Variants in LAMA2 observed in about 807,000 individuals in gnomAD.
LAMA2 encodes laminin subunit alpha 2.
Under a neutral mutation model 364.8 loss-of-function variants are expected in LAMA2, and 269 were observed. The observed-to-expected ratio is 0.74, with a 90% CI of 0.67 to 0.82. The LOEUF is 0.82. Ranked by LOEUF, LAMA2 falls within the 40% of genes least tolerant of loss-of-function variation. LAMA2 has a pLI of 0.00. For synonymous variants in LAMA2, 1,379 were observed against 1,370.6 expected (o/e 1.01, Z -0.14); for missense variants, 3,807 against 3,873.2 (o/e 0.98, Z 0.45).
chr6:128,964,461 C>G (rs1480744003), intron 1 of LAMA2, among the ~76,000 whole-genome samples: 2 of 152,028 alleles, frequency 1.3e-5, no homozygotes, highest in East Asian at 3.9e-4. Context: ...GGACAGGGTA[C>G]TCTAGAGCTC....
intron 58 of LAMA2, among the ~76,000 whole-genome samples, chr6:129,502,361 T>C (rs1041684769): frequency 6.6e-6 from 1 of 152,166 alleles, no homozygotes; most frequent in Non-Finnish European, 1.5e-5. Flanking sequence ...GAAAGGGAAA[T>C]TCCAGTTTTC....
chr6:129,089,062 G>T (rs1036909767), intron 3 of LAMA2, among the ~76,000 whole-genome samples: 1 of 152,322 alleles, frequency 6.6e-6, no homozygotes, highest in Non-Finnish European at 1.5e-5. Flanking sequence ...CTGCAATCTC[G>T]GCACCTCGGG....
chr6:129,416,135 G>C (rs897441680), intron 40 of LAMA2, among the ~76,000 whole-genome samples: 1 of 99,402 alleles, frequency 1.0e-5, no homozygotes, highest in Non-Finnish European at 2.0e-5. Flanking sequence ...ATTTTTAGTA[G>C]AGACGGGGTT....
At chr6:129,445,636 T>C (rs1261698913) in intron 44 of LAMA2, 31 bp from the exon 45 acceptor site, 1 of 1,603,266 alleles carries the variant, frequency 6.2e-7, no homozygotes, top group South Asian at 1.1e-5. Flanking sequence ...TGTGCATGCA[T>C]ATACATGCAC....
chr6:129,222,953 C>G (rs190049695), intron 12 of LAMA2, among the ~76,000 whole-genome samples: 2 of 152,262 alleles, frequency 1.3e-5, no homozygotes, highest in East Asian at 3.9e-4. Context: ...GTTTACAATC[C>G]CACCAACAGT....
intron 1 of LAMA2, among the ~76,000 whole-genome samples, chr6:128,982,410 C>T (rs916276869): frequency 6.6e-5 from 10 of 152,108 alleles, no homozygotes; most frequent in Admixed American, 1.3e-4. Flanking sequence ...TCTTAACCTA[C>T]GACTTCTGAC....
Position 129,312,882 on chromosome 6 carries a change from G to A in LAMA2, c.3196G>A (p.Gly1066Arg). ...GCKACNCSTV[G>R]SLDFQCNVNT... ...ATAGGCTTGTAACTGCAGCACAGTG[G>A]GATCCTTGGATTTCCAATGCAATGT... Residue 1066 changes from glycine to arginine, a missense_variant, in exon 23 of 65, where the codon GGA becomes AGA. Gly to Arg is a moderately radical substitution (Grantham distance 125). Coordinates refer to ENST00000421865, the MANE Select transcript of LAMA2 (RefSeq NM_000426.4). 6.2e-7 allele frequency: 1 copy of A among 1,613,850 alleles called. No homozygotes were observed. Among genetic ancestry groups the A allele is most frequent in the Non-Finnish European group, 8.5e-7 (1 of 1,179,816 alleles).
intron 12 of LAMA2, among the ~76,000 whole-genome samples, chr6:129,241,330 C>T (rs975291571): frequency 1.3e-5 from 2 of 152,130 alleles, no homozygotes; most frequent in Non-Finnish European, 2.9e-5. Context: ...CTCCCCAAAA[C>T]GTGGGATTTT....
intron 35 of LAMA2, among the ~76,000 whole-genome samples, chr6:129,388,716 A>G (rs1297780281): frequency 1.3e-5 from 2 of 151,826 alleles, no homozygotes; most frequent in Admixed American, 1.3e-4. Context: ...TATTCATTTA[A>G]CAAAGAAAAA....
chr6:129,085,556 C>G (rs192649867), intron 3 of LAMA2, among the ~76,000 whole-genome samples: 1 of 152,272 alleles, frequency 6.6e-6, no homozygotes, highest in Admixed American at 6.5e-5. Flanking sequence ...GACTTTTACT[C>G]TGTTGGAACC....
At chr6:129,381,793 T>C (rs1276162968) in intron 34 of LAMA2, among the ~76,000 whole-genome samples, 2 of 131,498 alleles carry the variant, frequency 1.5e-5, no homozygotes, top group Admixed American at 7.4e-5. Context: ...CTGCAAATTA[T>C]ACAGAAAAAA....
chr6:128,910,857 A>G (rs953702794), intron 1 of LAMA2, among the ~76,000 whole-genome samples: 11 of 151,242 alleles, frequency 7.3e-5, no homozygotes, highest in Non-Finnish European at 1.2e-4. Context: ...CTTCTAACAG[A>G]CAGGACCCTC....
intron 1 of LAMA2, among the ~76,000 whole-genome samples, chr6:128,906,394 A>G (rs1174343775): frequency 1.5e-5 from 2 of 129,656 alleles, no homozygotes; most frequent in Non-Finnish European, 3.2e-5. Flanking sequence ...AGTGATGATG[A>G]GCATTTTTTC....
intron 1 of LAMA2, among the ~76,000 whole-genome samples, chr6:128,963,317 A>G (rs1781644899): frequency 6.6e-6 from 1 of 152,158 alleles, no homozygotes; most frequent in South Asian, 2.1e-4. Context: ...GTACAAATAA[A>G]TACCATATGG....
chr6:128,903,788 T>C (rs1335656907), intron 1 of LAMA2, among the ~76,000 whole-genome samples: 1 of 152,228 alleles, frequency 6.6e-6, no homozygotes, highest in African/African-American at 2.4e-5. Context: ...CTGGATTGTA[T>C]GTTTCTGAGA....
chr6:129,462,481 C>T (rs558219359), intron 49 of LAMA2, among the ~76,000 whole-genome samples: 7 of 152,094 alleles, frequency 4.6e-5, no homozygotes, highest in East Asian at 1.9e-4. Context: ...TTGGCAGTGT[C>T]AGCCCTTTCT....
At chr6:129,443,097 T>A (rs371450643) in intron 44 of LAMA2, 29 bp downstream of exon 44, 13 of 1,563,480 alleles carry the variant, frequency 8.3e-6, no homozygotes, top group Admixed American at 7.0e-5. Flanking sequence ...ATATACCTTT[T>A]AGTAACGCTC....
rs1011851605 is a variant in LAMA2 at position 128,961,422 on chromosome 6, A to G, written c.112+78065A>G. 7.3e-5 allele frequency among the ~76,000 whole-genome samples: 10 copies of G among 137,334 alleles called. 1 individual carries two copies. Among genetic ancestry groups the G allele is most frequent in the African/African-American group, 2.8e-4 (10 of 35,778 alleles). 90.1% of individuals were successfully genotyped at this position (137,334 alleles called of 152,430 possible). ...TGCATATATATACATATATATATGT[A>G]TATATCATGGGAGTTTATTAAGTGT... is the stretch of plus-strand genomic sequence containing the variant. On this transcript the variant is annotated intron_variant, in intron 1 of 64. Coordinates refer to ENST00000421865, the MANE Select transcript of LAMA2 (RefSeq NM_000426.4).
rs1038396401 is a variant in LAMA2, at chr6:129,092,094, G to A, written c.397-6079G>A. ...CCTCTGTTTTCATCAGACCTACCTC[G>A]GTGAGGTTCTAGACTTCTGCCCTGC... is the stretch of plus-strand genomic sequence containing the variant. On this transcript the variant is annotated intron_variant, in intron 3 of 64. Transcript: ENST00000421865. Among the ~76,000 whole-genome samples the A allele has an allele frequency of 3.9e-4, 60 of 152,058 alleles. 1 individual carries two copies. The highest frequency in any genetic ancestry group is 2.0e-3 in the Admixed American group (31 of 15,262).
Sources: gnomAD v4.1 joint callset for allele counts (sites outside exome capture counted in the v4.1 genomes callset) on GRCh38, gnomAD v4.1.1 for gene constraint, MANE v1.5 for transcripts, NCBI Gene and HGNC (gene_info 2026-07-23, HGNC 2026-07-21) for gene names.